NUDT21: variants seen among roughly 807,000 people sequenced by gnomAD.
NUDT21 encodes the protein cleavage and polyadenylation specificity factor subunit 5.
A neutral mutation model predicts 29.8 loss-of-function variants in NUDT21; 5 were observed. The observed-to-expected ratio is 0.17, with a 90% CI of 0.09 to 0.35. The LOEUF (loss-of-function observed/expected upper bound fraction) is 0.35. NUDT21 is among the 10% of genes least tolerant of loss of function. NUDT21 has a pLI of 1.00. For synonymous variants in NUDT21, 113 were observed against 98.5 expected (o/e 1.15, Z -0.87); for missense variants, 76 against 276.0 (o/e 0.28, Z 5.13).
At chr16:56,434,726 G>A (rs1962075663) in intron 5 of NUDT21, 28 bp downstream of exon 5, 1 of 1,394,050 alleles carries the variant, frequency 7.2e-7, no homozygotes, top group Non-Finnish European at 1.0e-6. Context: ...ATTTTTAGAT[G>A]GCTACCTTTG....
intron 4 of NUDT21, among the ~76,000 whole-genome samples, chr16:56,435,780 T>TATATATATATATAC (rs1397228479): frequency 9.2e-6 from 1 of 109,120 alleles, no homozygotes; most frequent in African/African-American, 3.6e-5. Context: ...TATATATATA[T>TATATATATATATAC]ATATGATCAG....
chr16:56,451,152 G>A lies in NUDT21; in HGVS notation c.51C>T (p.Val17=), dbSNP rs1349925842. ...GGATGTACTTGTTGCCGAACTGAGT[G>A]ACCCCCCGGGGCCAGCCGGTCTGCG... is the stretch of plus-strand genomic sequence containing the variant. The part of the protein sequence containing the change: ...NRSQTGWPRG[V]TQFGNKYIQQ... The change falls in exon 1 of 7, where the codon GTC becomes GTT. Residue 17 remains valine, a synonymous_variant. Transcript: ENST00000300291. 1.2e-6 allele frequency: 2 copies of A among 1,613,314 alleles called. No homozygotes were observed. Among genetic ancestry groups the A allele is most frequent in the South Asian group, 2.2e-5 (2 of 91,000 alleles).
At chr16:56,436,355 A>G (rs1962103841) in intron 4 of NUDT21, among the ~76,000 whole-genome samples, 1 of 152,234 alleles carries the variant, frequency 6.6e-6, no homozygotes, top group Admixed American at 6.5e-5. Context: ...TACTCAGCCA[A>G]GTTGTGAAGC....
intron 1 of NUDT21, among the ~76,000 whole-genome samples, chr16:56,448,250 T>G (rs1300054846): frequency 6.6e-6 from 1 of 152,210 alleles, no homozygotes; most frequent in African/African-American, 2.4e-5. Flanking sequence ...CTTAAATGCT[T>G]AGAGAAATGG....
intron 3 of NUDT21, among the ~76,000 whole-genome samples, chr16:56,444,620 C>CAAAAAA (rs376261802): frequency 9.0e-6 from 1 of 111,004 alleles, no homozygotes; most frequent in African/African-American, 3.3e-5. Flanking sequence ...AAAACAAAAA[C>CAAAAAA]AAAAAAAAAA....
rs1349925842 is a variant in NUDT21, at chr16:56,451,152, G to C, written c.51C>G (p.Val17=). The change falls in exon 1 of 7, where the codon GTC becomes GTG. Residue 17 remains valine, a synonymous_variant. Transcript: ENST00000300291. ...NRSQTGWPRG[V]TQFGNKYIQQ... ...GGATGTACTTGTTGCCGAACTGAGT[G>C]ACCCCCCGGGGCCAGCCGGTCTGCG... 2.5e-6 allele frequency: 4 copies of C among 1,613,196 alleles called. No individual in the cohort carries two copies. The African/African-American group carries it at 5.3e-5, about 22-fold the overall frequency.
chr16:56,451,062 CCCG>C lies in NUDT21; in HGVS notation c.116+22_116+24del, dbSNP rs753953223. On this transcript the variant is annotated intron_variant, in intron 1 of 6. Coordinates refer to ENST00000300291, the MANE Select transcript of NUDT21 (RefSeq NM_007006.3). Reference sequence around the variant, plus strand: ...TATAGGAGCTTTCACGAGAGAAATGCCCGCCAAGGCCGCGCCGCACTTACAGGT... The same window carrying C: ...TATAGGAGCTTTCACGAGAGAAATGCCCAAGGCCGCGCCGCACTTACAGGT... The C allele has an allele frequency of 2.8e-5, 44 of 1,596,050 alleles. No homozygotes were observed. In the South Asian group the frequency reaches 4.1e-4, roughly 15 times the overall value.
chr16:56,445,437 T>C (rs1214063825), intron 3 of NUDT21, among the ~76,000 whole-genome samples: 1 of 152,252 alleles, frequency 6.6e-6, no homozygotes, highest in Non-Finnish European at 1.5e-5. Flanking sequence ...AATCCAATTA[T>C]ACTCTTTTAG....
intron 6 of NUDT21, 151 bp from the exon 7 acceptor site, chr16:56,432,884 G>A (rs1410575388): frequency 5.7e-6 from 3 of 525,458 alleles, no homozygotes; most frequent in African/African-American, 3.8e-5. Flanking sequence ...ACCACGTTTG[G>A]CATTTTCTAC....
At chr16:56,441,800 C>T (rs1459516409) in intron 3 of NUDT21, among the ~76,000 whole-genome samples, 10 of 152,254 alleles carry the variant, frequency 6.6e-5, no homozygotes, top group Non-Finnish European at 1.5e-4. Flanking sequence ...TTTGCTATCA[C>T]TAAATTCATT....
At chr16:56,443,430 T>G (rs1962182399) in intron 3 of NUDT21, among the ~76,000 whole-genome samples, 1 of 152,152 alleles carries the variant, frequency 6.6e-6, no homozygotes, top group South Asian at 2.1e-4. Context: ...CGCCTTGGCC[T>G]CCCCAAGTGC....
intron 3 of NUDT21, among the ~76,000 whole-genome samples, chr16:56,441,098 C>T (rs1318511726): frequency 6.6e-6 from 1 of 152,022 alleles, no homozygotes; most frequent in Non-Finnish European, 1.5e-5. Flanking sequence ...TGGAGCACAG[C>T]GACGCAATCA....
chr16:56,437,631 T>C (rs1962117875), intron 4 of NUDT21, among the ~76,000 whole-genome samples: 1 of 151,914 alleles, frequency 6.6e-6, no homozygotes, highest in South Asian at 2.1e-4. Context: ...GGTATAGGAG[T>C]CCCTACATGG....
rs1567538787 is a variant in NUDT21 at position 56,439,660 on chromosome 16, A to T, written c.468T>A (p.Pro156=). 15 of 1,606,838 alleles carry T rather than the reference A, an allele frequency of 9.3e-6. No individual in the cohort carries two copies. The highest frequency in any genetic ancestry group is 1.3e-5 in the Non-Finnish European group (15 of 1,173,370). ...GNWWRPNFEP[P]QYPYIPAHIT... ...GCAAATGTAACTGAACACTGACCTG[A>T]GGAGGTTCAAAATTTGGTCTCCACC... The change falls in exon 4 of 7, where the codon CCT becomes CCA. Residue 156 remains proline (P), a synonymous_variant. Coordinates refer to ENST00000300291, the MANE Select transcript of NUDT21 (RefSeq NM_007006.3).
intron 4 of NUDT21, among the ~76,000 whole-genome samples, chr16:56,436,240 G>A (rs1962102752): frequency 6.6e-6 from 1 of 152,058 alleles, no homozygotes; most frequent in South Asian, 2.1e-4. Flanking sequence ...ACAGATATAA[G>A]GGGAAAGTGA....
chr16:56,445,572 T>C (rs1262819736), intron 3 of NUDT21, among the ~76,000 whole-genome samples: 3 of 152,218 alleles, frequency 2.0e-5, no homozygotes, highest in African/African-American at 7.2e-5. Context: ...ATAAATATAC[T>C]CCATATATAC....
Position 56,447,843 on chromosome 16 carries a change from TCATG to T in NUDT21, c.259_262del (p.His87SerfsTer34), listed in dbSNP as rs1218626825. On this transcript the variant is annotated frameshift_variant, in exon 2 of 7. Transcript: ENST00000300291. LOFTEE classifies it high-confidence loss of function. The stretch of plus-strand genomic sequence containing the variant: ...CAGTAACACATGGGGTAGCCGGTGC[TCATG>T]TACAATCAGAACCCCTTCTACAGTC... 6.2e-7 allele frequency: 1 copy of T among 1,614,008 alleles called. No individual in the cohort carries two copies. Among genetic ancestry groups the T allele is most frequent in the African/African-American group, 1.3e-5 (1 of 74,928 alleles).
chr16:56,449,304 C>T (rs1962251993), intron 1 of NUDT21: 1 of 152,222 alleles, frequency 6.6e-6, no homozygotes, highest in Non-Finnish European at 1.5e-5. Flanking sequence ...CCCAGACATA[C>T]ATATTGTTCT....
At chr16:56,441,831 C>G (rs926952494) in intron 3 of NUDT21, among the ~76,000 whole-genome samples, 4 of 152,214 alleles carry the variant, frequency 2.6e-5, no homozygotes, top group African/African-American at 9.6e-5. Context: ...TCCATGATAA[C>G]TTAAATTTCT....
Sources: gnomAD v4.1 joint callset for allele counts (sites outside exome capture counted in the v4.1 genomes callset) on GRCh38, gnomAD v4.1.1 for gene constraint, MANE v1.5 for transcripts, NCBI Gene and HGNC (gene_info 2026-07-23, HGNC 2026-07-21) for gene names.